The following ATP8B1 variants were observed in gnomAD, a reference collection of about 807,000 sequenced individuals.
ATP8B1 encodes ATPase phospholipid transporting 8B1, also known as phospholipid-transporting ATPase IC.
Under a neutral mutation model 149.9 loss-of-function variants are expected in ATP8B1, and 80 were observed. That is an observed-to-expected ratio of 0.53 (90% CI 0.45 to 0.64). The LOEUF (loss-of-function observed/expected upper bound fraction) is 0.64. ATP8B1 is among the 30% of genes least tolerant of loss of function. ATP8B1 has a pLI of 0.00. For synonymous variants in ATP8B1, 536 were observed against 562.8 expected (o/e 0.95, Z 0.67); for missense variants, 1,247 against 1,552.6 (o/e 0.80, Z 3.31).
At chr18:57,648,734 A>T in intron 27 of ATP8B1, 22 bp from the exon 28 acceptor site, 1 of 1,548,292 alleles carries the variant, frequency 6.5e-7, no homozygotes, top group South Asian at 1.2e-5. Flanking sequence ...AGAGATGGGG[A>T]GGGATGAAAA....
chr18:57,683,174 C>T (rs1190176255), intron 15 of ATP8B1, among the ~76,000 whole-genome samples: 3 of 152,102 alleles, frequency 2.0e-5, no homozygotes, highest in Admixed American at 2.0e-4. Flanking sequence ...AAATTTCATA[C>T]CTGCTACATA....
At chr18:57,753,258 C>T (rs1476691116) in intron 1 of ATP8B1, among the ~76,000 whole-genome samples, 2 of 152,358 alleles carry the variant, frequency 1.3e-5, no homozygotes, top group East Asian at 3.9e-4. Flanking sequence ...AAACAAACCA[C>T]ATTTCAAAAC....
chr18:57,712,048 C>CATATATATATATATATATATATATAT (rs10622264), intron 2 of ATP8B1, among the ~76,000 whole-genome samples: 29 of 144,378 alleles, frequency 2.0e-4, no homozygotes, highest in African/African-American at 6.9e-4. Context: ...CCTCTATTGG[C>CATATATATATATATATATATATATAT]ATATATATAT....
At chr18:57,770,714 G>A (rs1357724737) in intron 1 of ATP8B1, among the ~76,000 whole-genome samples, 2 of 152,248 alleles carry the variant, frequency 1.3e-5, no homozygotes, top group Non-Finnish European at 2.9e-5. Flanking sequence ...CAGGTATACT[G>A]GGGCTTGCCT....
intron 1 of ATP8B1, among the ~76,000 whole-genome samples, chr18:57,760,920 C>T (rs2080144122): frequency 1.3e-5 from 2 of 151,708 alleles, no homozygotes; most frequent in Non-Finnish European, 2.9e-5. Flanking sequence ...ACCCAGGAGG[C>T]AGAGGTTGCA....
intron 2 of ATP8B1, among the ~76,000 whole-genome samples, chr18:57,714,680 G>A (rs879300991): frequency 1.3e-5 from 2 of 150,050 alleles, no homozygotes; most frequent in Non-Finnish European, 2.9e-5. Context: ...ACAAGAGTGT[G>A]GGCTTGATAA....
intron 1 of ATP8B1, among the ~76,000 whole-genome samples, chr18:57,779,184 A>G (rs2080336511): frequency 6.6e-6 from 1 of 151,970 alleles, no homozygotes. Context: ...TTAGCTGGGC[A>G]TGTGCTTGTG....
intron 2 of ATP8B1, among the ~76,000 whole-genome samples, chr18:57,720,190 TCTC>T (rs2079629382): frequency 6.8e-6 from 1 of 147,626 alleles, no homozygotes; most frequent in African/African-American, 2.5e-5. Context: ...GCAGAGCGTC[TCTC>T]CTCCTCCAAA....
intron 15 of ATP8B1, among the ~76,000 whole-genome samples, chr18:57,678,594 A>G (rs1911745576): frequency 7.3e-6 from 1 of 136,608 alleles, no homozygotes; most frequent in South Asian, 2.6e-4. Flanking sequence ...CTCAAAAAAA[A>G]AAAAAGAAGA....
intron 15 of ATP8B1, among the ~76,000 whole-genome samples, chr18:57,680,404 G>A (rs1361902141): frequency 1.3e-5 from 2 of 149,438 alleles, no homozygotes; most frequent in Non-Finnish European, 3.0e-5. Context: ...TGACCAACAT[G>A]GAGAAACCCC....
Position 57,688,507 on chromosome 18 carries a change from G to A in ATP8B1, c.1221C>T (p.Ser407=), listed in dbSNP as rs759655060. The change falls in exon 13 of 28, where the codon AGC becomes AGT. Residue 407 remains serine, a splice_region_variant and synonymous_variant. Transcript: ENST00000648908. ...TCTGTCCAAGACGAATCACTTCCAC[G>A]CTAGGAAGACAGAAGATTATTTTCC... ...NTMVPISLYV[S]VEVIRLGQSH... is the part of the protein sequence containing the mutation. 1.5e-5 allele frequency: 25 copies of A among 1,613,914 alleles called. No homozygotes were observed. In the Middle Eastern group the frequency reaches 1.3e-3, roughly 85 times the overall value.
In ATP8B1 at chr18:57,695,508, C is replaced by T; in HGVS notation, c.723G>A (p.Met241Ile). The T allele has an allele frequency of 6.2e-7, 1 of 1,612,064 alleles. No individual in the cohort carries two copies. The highest frequency in any genetic ancestry group is 1.1e-5 in the South Asian group (1 of 91,014). The change falls in exon 9 of 28, where the codon ATG (methionine) becomes ATA (isoleucine). Residue 241 changes from methionine (M) to isoleucine (I), a missense_variant. Physicochemically the swap from Met to Ile is conservative, Grantham distance 10. Coordinates refer to ENST00000648908, the MANE Select transcript of ATP8B1 (RefSeq NM_001374385.1). Reference protein sequence around the residue: ...LDGETNLKFKMSLEITDQYLQ... With the variant: ...LDGETNLKFKISLEITDQYLQ... The stretch of plus-strand genomic sequence containing the variant: ...GGTACTGGTCTGTGATTTCAAGTGA[C>T]ATCTTAAATTTTAAATTGGTTTCTC...
chr18:57,773,424 C>A (rs1568065427), intron 1 of ATP8B1, among the ~76,000 whole-genome samples: 1 of 152,050 alleles, frequency 6.6e-6, no homozygotes, highest in African/African-American at 2.4e-5. Flanking sequence ...TCACTTCATC[C>A]GGGCAGGGGG....
At chr18:57,665,118 C>T (rs1378885346) in intron 20 of ATP8B1, among the ~76,000 whole-genome samples, 2 of 151,558 alleles carry the variant, frequency 1.3e-5, no homozygotes, top group Non-Finnish European at 2.9e-5. Flanking sequence ...AACTCACTCC[C>T]CACGGAGAAT....
chr18:57,762,331 G>T (rs1486205410), intron 1 of ATP8B1, among the ~76,000 whole-genome samples: 1 of 151,970 alleles, frequency 6.6e-6, no homozygotes, highest in South Asian at 2.1e-4. Context: ...TAGAGACAGG[G>T]TTTCACCATG....
chr18:57,754,293 C>G (rs950563289), intron 1 of ATP8B1, among the ~76,000 whole-genome samples: 3 of 151,850 alleles, frequency 2.0e-5, no homozygotes, highest in Non-Finnish European at 4.4e-5. Context: ...CAAAACTTAG[C>G]CAGGCATGGT....
chr18:57,650,422 G>A lies in ATP8B1; in HGVS notation c.3476C>T (p.Pro1159Leu). The A allele has an allele frequency of 6.2e-7, 1 of 1,613,988 alleles. No homozygotes were observed. Among genetic ancestry groups the A allele is most frequent in the African/African-American group, 1.3e-5 (1 of 75,026 alleles). Residue 1159 changes from proline to leucine, a missense_variant, in exon 27 of 28, where the codon CCC (proline) becomes CTC (leucine). By Grantham distance (98) the Pro-to-Leu change is moderately conservative. Around this residue, in one of 3 missense-constraint regions of ATP8B1, gnomAD observed 164 missense variants for 160.3 expected, o/e 1.02. Coordinates refer to ENST00000648908, the MANE Select transcript of ATP8B1 (RefSeq NM_001374385.1). Reference sequence around the variant, plus strand: ...TGACAGGAATCGAATGGCAACGACGGGTAGTAAGCACACAGCAACAGCCAG... The same window carrying A: ...TGACAGGAATCGAATGGCAACGACGAGTAGTAAGCACACAGCAACAGCCAG... ...IILAVAVCLL[P>L]VVAIRFLSMT...
chr18:57,695,212 A>T lies in ATP8B1; in HGVS notation c.899T>A (p.Ile300Asn). 6.2e-7 allele frequency: 1 copy of T among 1,614,152 alleles called. No individual in the cohort carries two copies. Among genetic ancestry groups the T allele is most frequent in the Non-Finnish European group, 8.5e-7 (1 of 1,180,020 alleles). The change falls in exon 10 of 28, where the codon ATT becomes AAT. Residue 300 changes from isoleucine to asparagine, a missense_variant. This residue lies in a region of ATP8B1 where 853 missense variants were observed against 1,035.7 expected (regional missense o/e 0.82). Coordinates refer to ENST00000648908, the MANE Select transcript of ATP8B1 (RefSeq NM_001374385.1). ...ADKILLRGCVIRNTDFCHGLV... is the reference protein window; with the variant it reads ...ADKILLRGCVNRNTDFCHGLV... ...GCCGTGGCAGAAATCGGTGTTCCTA[A>T]TTACACAGCCACGTAACAAAATTTT... is the stretch of plus-strand genomic sequence containing the variant.
intron 1 of ATP8B1, among the ~76,000 whole-genome samples, chr18:57,742,209 G>A (rs2079921428): frequency 1.3e-5 from 2 of 152,096 alleles, no homozygotes; most frequent in Admixed American, 6.6e-5. Flanking sequence ...CAAACTTGAT[G>A]ACAGTTGTAA....
Sources: gnomAD v4.1 joint callset for allele counts (sites outside exome capture counted in the v4.1 genomes callset) on GRCh38, gnomAD v4.1.1 for gene constraint, gnomAD v4.1.1 regional missense constraint, MANE v1.5 for transcripts, NCBI Gene and HGNC (gene_info 2026-07-23, HGNC 2026-07-21) for gene names.